The following IMMP2L variants were observed in gnomAD, a reference collection of about 807,000 sequenced individuals.
IMMP2L encodes inner mitochondrial membrane peptidase subunit 2, also known as mitochondrial inner membrane protease subunit 2.
Under a neutral mutation model 19.3 loss-of-function variants are expected in IMMP2L, and 18 were observed. The observed-to-expected ratio is 0.93, with a 90% CI of 0.64 to 1.38. The LOEUF is 1.38. Ranked by LOEUF, IMMP2L falls within the 40% of genes most tolerant of loss-of-function variation. The pLI, the probability that IMMP2L is intolerant of heterozygous loss-of-function variation, is 0.00. For synonymous variants in IMMP2L, 76 were observed against 73.0 expected, an observed-to-expected ratio of 1.04 and a Z score of -0.21; for missense variants, 233 against 218.2, an observed-to-expected ratio of 1.07 and a Z score of -0.43.
intron 3 of IMMP2L, among the ~76,000 whole-genome samples, chr7:111,336,207 G>A (rs1826389922): frequency 1.6e-5 from 2 of 125,218 alleles, no homozygotes; most frequent in Admixed American, 8.8e-5. Context: ...CCGCCAGGCC[G>A]GCTATTTTTT....
chr7:110,677,331 T>A (rs1469507633), intron 5 of IMMP2L, among the ~76,000 whole-genome samples: 2 of 152,212 alleles, frequency 1.3e-5, no homozygotes, highest in Non-Finnish European at 2.9e-5. Context: ...AGATATTTTT[T>A]AAAAAGATTA....
intron 5 of IMMP2L, among the ~76,000 whole-genome samples, chr7:110,764,471 A>C (rs1798538470): frequency 1.3e-5 from 2 of 152,154 alleles, no homozygotes; most frequent in South Asian, 4.1e-4. Context: ...AGATGAAAGA[A>C]TATCATCACA....
At chr7:110,942,396 T>C (rs924506158) in intron 4 of IMMP2L, among the ~76,000 whole-genome samples, 1 of 151,956 alleles carries the variant, frequency 6.6e-6, no homozygotes, top group Non-Finnish European at 1.5e-5. Flanking sequence ...TTCTTTTTCA[T>C]GTACAAAGCA....
rs371123552 is a variant in IMMP2L at position 110,785,179 on chromosome 7, AT to A, written c.408+101413del. Among the ~76,000 whole-genome samples the A allele has an allele frequency of 2.8e-3, 427 of 152,074 alleles. 4 individuals carry two copies. The highest frequency in any genetic ancestry group is 9.7e-3 in the African/African-American group (403 of 41,548). On this transcript the variant is annotated intron_variant, in intron 5 of 5. Coordinates refer to ENST00000405709, the MANE Select transcript of IMMP2L (RefSeq NM_032549.4). ...TCTGAAGTCCTTTTTACCAAAAGCT[AT>A]TGGTAAAATTAGATTAAAAATAAAT...
intron 3 of IMMP2L, among the ~76,000 whole-genome samples, chr7:110,964,939 G>C (rs1819375860): frequency 6.6e-6 from 1 of 151,992 alleles, no homozygotes; most frequent in African/African-American, 2.4e-5. Context: ...AGTCTTCAGA[G>C]ACTGTGGCTC....
At chr7:110,989,150 G>T (rs899109102) in intron 3 of IMMP2L, among the ~76,000 whole-genome samples, 1 of 152,216 alleles carries the variant, frequency 6.6e-6, no homozygotes, top group East Asian at 1.9e-4. Context: ...CAGGAGAATC[G>T]CTTGAAACTG....
At chr7:111,112,048 G>A (rs184161124) in intron 3 of IMMP2L, among the ~76,000 whole-genome samples, 13 of 146,178 alleles carry the variant, frequency 8.9e-5, no homozygotes, top group East Asian at 2.0e-4. Context: ...CCTGGGTTCC[G>A]GTGATTCTCC....
At chr7:110,928,465 G>T (rs1312547392) in intron 4 of IMMP2L, among the ~76,000 whole-genome samples, 1 of 129,164 alleles carries the variant, frequency 7.7e-6, no homozygotes, top group Admixed American at 7.9e-5. Flanking sequence ...CAGAGGTTAG[G>T]AGAGAAAAAC....
At chr7:111,195,814 GTTTA>G (rs1405111135) in intron 3 of IMMP2L, among the ~76,000 whole-genome samples, 1 of 8,262 alleles carries the variant, frequency 1.2e-4, no homozygotes, top group Non-Finnish European at 1.1e-3. Context: ...AATTTTTATT[GTTTA>G]TTTTATTTTA....
At chr7:111,158,373 T>C (rs1804877492) in intron 3 of IMMP2L, among the ~76,000 whole-genome samples, 2 of 152,064 alleles carry the variant, frequency 1.3e-5, no homozygotes, top group Non-Finnish European at 2.9e-5. Flanking sequence ...ACATAATTCA[T>C]AAGGGTGAGA....
rs369952043 is a variant in IMMP2L at position 110,724,518 on chromosome 7, G to A, written c.409-60797C>T. On this transcript the variant is annotated intron_variant, in intron 5 of 5. Coordinates refer to ENST00000405709, the MANE Select transcript of IMMP2L (RefSeq NM_032549.4). ...CATTGTAGGAAAGCAACAATAGTATGCACTGCTGTAACTTCTTTTAAAGTA... is the reference window on the plus strand; with the variant it reads ...CATTGTAGGAAAGCAACAATAGTATACACTGCTGTAACTTCTTTTAAAGTA... 4 of 152,160 alleles carry A rather than the reference G, an allele frequency of 2.6e-5. No individual in the cohort carries two copies. In the East Asian group the frequency reaches 7.7e-4, roughly 29 times the overall value. 9.4% of individuals were successfully genotyped at this position (152,160 alleles called of 1,614,324 possible).
chr7:111,285,342 A>G (rs749890810), intron 3 of IMMP2L, among the ~76,000 whole-genome samples: 10 of 152,212 alleles, frequency 6.6e-5, no homozygotes, highest in Non-Finnish European at 1.5e-4. Flanking sequence ...TTACAAAATA[A>G]TTAGCAATGT....
At chr7:111,551,983 T>C (rs1293563668) in intron 1 of IMMP2L, among the ~76,000 whole-genome samples, 2 of 152,144 alleles carry the variant, frequency 1.3e-5, no homozygotes, top group African/African-American at 4.8e-5. Context: ...GGAGATGCTC[T>C]AGAATGAAAC....
At chr7:111,085,801 A>G (rs1796270832) in intron 3 of IMMP2L, among the ~76,000 whole-genome samples, 1 of 152,224 alleles carries the variant, frequency 6.6e-6, no homozygotes, top group African/African-American at 2.4e-5. Context: ...AATACTATGC[A>G]GCCATTAAAA....
At chr7:110,695,081 T>TA (rs1438312488) in intron 5 of IMMP2L, among the ~76,000 whole-genome samples, 1 of 152,110 alleles carries the variant, frequency 6.6e-6, no homozygotes, top group Admixed American at 6.5e-5. Flanking sequence ...GGGGAGTAAT[T>TA]TGTTAACAGA....
chr7:111,047,649 A>G (rs1190668914), intron 3 of IMMP2L, among the ~76,000 whole-genome samples: 1 of 152,134 alleles, frequency 6.6e-6, no homozygotes, highest in African/African-American at 2.4e-5. Context: ...GTATGCTAAT[A>G]TCTAATTATG....
intron 3 of IMMP2L, among the ~76,000 whole-genome samples, chr7:111,437,461 A>C (rs994883041): frequency 1.3e-5 from 2 of 151,860 alleles, no homozygotes; most frequent in African/African-American, 4.9e-5. Context: ...AAAATAAATT[A>C]ATGCATCCCA....
chr7:110,974,932 T>C (rs4263692), intron 3 of IMMP2L, among the ~76,000 whole-genome samples: 13,141 of 152,232 alleles, frequency 0.086, 808 homozygotes, highest in East Asian at 0.19. Flanking sequence ...TCTTTTACAA[T>C]TATAATTCCT....
At chr7:110,701,444 G>C (rs572471594) in intron 5 of IMMP2L, among the ~76,000 whole-genome samples, 96 of 151,804 alleles carry the variant, frequency 6.3e-4, no homozygotes, top group South Asian at 3.7e-3. Context: ...TGTTTTTTTA[G>C]ATGGAGTTTC....
Sources: allele counts gnomAD v4.1 joint callset (sites outside exome capture counted in the v4.1 genomes callset), GRCh38; gene constraint gnomAD v4.1.1; transcripts MANE v1.5; gene names NCBI Gene and HGNC (gene_info 2026-07-23, HGNC 2026-07-21).